The following NXPE2 variants were observed in gnomAD, a reference collection of about 807,000 sequenced individuals.
NXPE2 encodes the protein NXPE family member 2.
Under a neutral mutation model 34.4 loss-of-function variants are expected in NXPE2, and 34 were observed. The ratio of observed to expected loss-of-function variants is 0.99; its 90% CI spans 0.75 to 1.31. The LOEUF (loss-of-function observed/expected upper bound fraction) is 1.31, where lower values mean the gene tolerates loss of function less well. Among genes scored for constraint, NXPE2 ranks in the 40% most tolerant of loss-of-function variants. NXPE2 has a pLI of 0.00. For missense variants in NXPE2, 649 were observed against 672.5 expected (o/e 0.97, Z 0.39); for synonymous variants, 235 against 231.3 (o/e 1.02, Z -0.15).
intron 2 of NXPE2, among the ~76,000 whole-genome samples, chr11:114,688,510 C>T (rs1276361428): frequency 6.6e-6 from 1 of 152,004 alleles, no homozygotes; most frequent in Non-Finnish European, 1.5e-5. Flanking sequence ...AGGAGTTTTG[C>T]ATCTATATTC....
chr11:114,582,521 A>G, the NXPE2 span: 4 of 1,614,178 alleles, frequency 2.5e-6, no homozygotes, highest in Admixed American at 3.3e-5. Context: ...TCACCCTGTC[A>G]TAGCCTTGGT....
the NXPE2 span, among the ~76,000 whole-genome samples, chr11:114,538,766 T>A: frequency 1.3e-5 from 2 of 152,090 alleles, no homozygotes; most frequent in South Asian, 4.2e-4. Flanking sequence ...ATGGCGATCA[T>A]TAAAAAGTCA....
chr11:114,556,116 G>C, the NXPE2 span, among the ~76,000 whole-genome samples: 1 of 152,122 alleles, frequency 6.6e-6, no homozygotes, highest in Non-Finnish European at 1.5e-5. Flanking sequence ...TTAATCTGTA[G>C]GTAAATTTGG....
At chr11:114,517,945 C>T in the NXPE2 span, 6 of 152,246 alleles carry the variant, frequency 3.9e-5, no homozygotes, top group African/African-American at 1.2e-4. Flanking sequence ...AGGCACATGC[C>T]ATGGATTACA....
chr11:114,496,719 A>C, the NXPE2 span, among the ~76,000 whole-genome samples: 1 of 152,126 alleles, frequency 6.6e-6, no homozygotes, highest in Non-Finnish European at 1.5e-5. Context: ...TTTATAGTAC[A>C]TTTTGATAGT....
At chr11:114,794,407 C>T in the NXPE2 span, among the ~76,000 whole-genome samples, 45 of 152,262 alleles carry the variant, frequency 3.0e-4, no homozygotes, top group Non-Finnish European at 2.1e-4. Flanking sequence ...GAATTAGGTG[C>T]CCCTTCACTT....
At chr11:114,670,843 T>G in the NXPE2 span, among the ~76,000 whole-genome samples, 1 of 151,492 alleles carries the variant, frequency 6.6e-6, no homozygotes, top group Non-Finnish European at 1.5e-5. Context: ...CAGGAGAGAA[T>G]GACTCACGAA....
the NXPE2 span, among the ~76,000 whole-genome samples, chr11:114,611,280 C>G: frequency 7.0e-6 from 1 of 142,730 alleles, no homozygotes; most frequent in Non-Finnish European, 1.5e-5. Flanking sequence ...GTTACCCTGT[C>G]GATAATAAGT....
the NXPE2 span, among the ~76,000 whole-genome samples, chr11:114,760,172 T>C: frequency 1.3e-5 from 2 of 152,132 alleles, no homozygotes. Flanking sequence ...GTGGCACTGT[T>C]GGGAGGTGAT....
chr11:114,630,734 G>A, the NXPE2 span, among the ~76,000 whole-genome samples: 2 of 151,334 alleles, frequency 1.3e-5, no homozygotes, highest in Non-Finnish European at 2.9e-5. Context: ...GAGTGAACAG[G>A]CAACCTACAA....
chr11:114,647,383 AG>A, the NXPE2 span, among the ~76,000 whole-genome samples: 1 of 152,188 alleles, frequency 6.6e-6, no homozygotes, highest in African/African-American at 2.4e-5. Flanking sequence ...ATAAGATAGA[AG>A]GAGTTCTTCC....
At chr11:114,786,157 G>T in the NXPE2 span, among the ~76,000 whole-genome samples, 1 of 152,194 alleles carries the variant, frequency 6.6e-6, no homozygotes, top group Non-Finnish European at 1.5e-5. Context: ...GCTTTGCAAT[G>T]TTCAAACACC....
chr11:114,525,513 T>A, the NXPE2 span, among the ~76,000 whole-genome samples: 1 of 152,038 alleles, frequency 6.6e-6, no homozygotes, highest in African/African-American at 2.4e-5. Context: ...AGTCTCTCCC[T>A]CCCATCCCAA....
At chr11:114,465,776 C>G in the NXPE2 span, among the ~76,000 whole-genome samples, 5 of 152,196 alleles carry the variant, frequency 3.3e-5, no homozygotes, top group Non-Finnish European at 5.9e-5. Context: ...TCAGCCTGGA[C>G]AGTATAGCAA....
chr11:114,574,929 T>C, the NXPE2 span, among the ~76,000 whole-genome samples: 20 of 152,210 alleles, frequency 1.3e-4, 1 homozygote, highest in Non-Finnish European at 2.4e-4. Context: ...TGAACATAGA[T>C]GCTAAAATCC....
In NXPE2 at chr11:114,695,830, AACACAC is replaced by A. The variant is rs67132329; in HGVS notation, c.133-2183_133-2178del. The stretch of plus-strand genomic sequence containing the variant: ...ACATGGTGAAAGAACGTCTCTACTA[AACACAC>A]ACACACACACACACACACACACACA... On this transcript the variant is annotated intron_variant, in intron 2 of 5. Coordinates refer to ENST00000389586, the MANE Select transcript of NXPE2 (RefSeq NM_182495.6). Among the ~76,000 whole-genome samples the A allele has an allele frequency of 5.4e-3, 719 of 132,628 alleles. 8 individuals carry two copies. The highest frequency in any genetic ancestry group is 0.017 in the African/African-American group (614 of 35,120). 87.0% of individuals were successfully genotyped at this position (132,628 alleles called of 152,430 possible). A position where few individuals can be genotyped will look rare whatever the true frequency, so the allele number is the denominator to read the frequency against.
the NXPE2 span, among the ~76,000 whole-genome samples, chr11:114,670,484 A>T: frequency 6.6e-6 from 1 of 151,942 alleles, no homozygotes; most frequent in African/African-American, 2.4e-5. Context: ...CCTTGAGGCT[A>T]GGAGTTGGAA....
At chr11:114,739,280 TTTCCTTCCTTCCTTCCTTCC>T in the NXPE2 span, among the ~76,000 whole-genome samples, 506 of 96,914 alleles carry the variant, frequency 5.2e-3, 8 homozygotes, top group African/African-American at 0.015. Context: ...TTGCCATTAT[TTTCCTTCCTTCCTTCCTTCC>T]TTCCTTCCTT....
chr11:114,556,286 A>G, the NXPE2 span, among the ~76,000 whole-genome samples: 1 of 152,202 alleles, frequency 6.6e-6, no homozygotes, highest in Admixed American at 6.5e-5. Context: ...TGGAACTCAA[A>G]ACCTACAAAC....
Sources: allele counts gnomAD v4.1 joint callset (sites outside exome capture counted in the v4.1 genomes callset), GRCh38; gene constraint gnomAD v4.1.1; transcripts MANE v1.5; gene names NCBI Gene and HGNC (gene_info 2026-07-23, HGNC 2026-07-21).